DDO: variants seen among roughly 807,000 people sequenced by gnomAD.
DDO encodes D-aspartate oxidase, DDO.
A neutral mutation model predicts 16.8 loss-of-function variants in DDO; 16 were observed. The ratio of observed to expected loss-of-function variants is 0.95; its 90% CI spans 0.65 to 1.45. DDO has a LOEUF of 1.45. DDO is among the 40% of genes most tolerant of loss of function. The pLI, the probability that DDO is intolerant of heterozygous loss-of-function variation, is 0.00. For synonymous variants in DDO, 180 were observed against 167.2 expected (o/e 1.08, Z -0.59); for missense variants, 429 against 420.3 (o/e 1.02, Z -0.18).
chr6:110,404,351 A>C (rs1004784229), intron 4 of DDO, among the ~76,000 whole-genome samples: 1 of 152,256 alleles, frequency 6.6e-6, no homozygotes, highest in Non-Finnish European at 1.5e-5. Context: ...AAAATGAGAA[A>C]AAATTCAAAA....
In DDO at chr6:110,415,510, C is replaced by T. The variant is rs780255160; in HGVS notation, c.-48G>A. 1 of 1,614,234 alleles carries T rather than the reference C, an allele frequency of 6.2e-7. No individual in the cohort carries two copies. The highest frequency in any genetic ancestry group is 8.5e-7 in the Non-Finnish European group (1 of 1,180,048). On this transcript the variant is annotated 5_prime_UTR_variant, in exon 1 of 5. Coordinates refer to ENST00000368924, the MANE Select transcript of DDO (RefSeq NM_001372108.2). Reference sequence around the variant, plus strand: ...TCTTGGAAGCCACCAAAATCTCTGGCACCAAACCTTGTTTCCCAGTGCCTG... The same window carrying T: ...TCTTGGAAGCCACCAAAATCTCTGGTACCAAACCTTGTTTCCCAGTGCCTG...
chr6:110,398,994 G>A (rs368442558), intron 4 of DDO, among the ~76,000 whole-genome samples: 2 of 152,208 alleles, frequency 1.3e-5, no homozygotes, highest in Non-Finnish European at 2.9e-5. Flanking sequence ...CCCTCTGGGA[G>A]GATTGATTTA....
At chr6:110,394,790 T>C (rs979923876) in intron 4 of DDO, among the ~76,000 whole-genome samples, 1 of 152,248 alleles carries the variant, frequency 6.6e-6, no homozygotes, top group Non-Finnish European at 1.5e-5. Context: ...ATCTGCATCA[T>C]GGGGAGGATA....
intron 4 of DDO, among the ~76,000 whole-genome samples, chr6:110,401,367 G>A (rs1194032981): frequency 6.6e-6 from 1 of 151,880 alleles, no homozygotes; most frequent in Non-Finnish European, 1.5e-5. Flanking sequence ...TGTGTTAAGG[G>A]AAAGGTGGTG....
At chr6:110,400,443 G>T (rs1773448685) in intron 4 of DDO, among the ~76,000 whole-genome samples, 2 of 151,706 alleles carry the variant, frequency 1.3e-5, no homozygotes, top group Admixed American at 6.6e-5. Context: ...AGGCCAACTG[G>T]GAGACTTATG....
chr6:110,408,583 A>C (rs776271932), intron 2 of DDO, 141 bp from the exon 3 acceptor site: 87 of 676,176 alleles, frequency 1.3e-4, no homozygotes, highest in South Asian at 4.1e-4. Context: ...GAACATTAAT[A>C]TAAAGTGCCA....
At chr6:110,394,309 G>A (rs781074835) in intron 4 of DDO, among the ~76,000 whole-genome samples, 4 of 152,114 alleles carry the variant, frequency 2.6e-5, no homozygotes, top group Non-Finnish European at 2.9e-5. Flanking sequence ...GTTTTGCCAT[G>A]TTGCCCAGGC....
intron 4 of DDO, among the ~76,000 whole-genome samples, chr6:110,396,512 C>T (rs1773296620): frequency 6.6e-6 from 1 of 152,186 alleles, no homozygotes; most frequent in East Asian, 1.9e-4. Context: ...AATTCGGTTG[C>T]TTTTTATTCT....
intron 2 of DDO, among the ~76,000 whole-genome samples, chr6:110,410,464 C>T (rs891927530): frequency 6.6e-6 from 1 of 152,188 alleles, no homozygotes; most frequent in African/African-American, 2.4e-5. Context: ...TAAAGACATA[C>T]CCGAGACAGG....
Position 110,398,196 on chromosome 6 carries a change from G to T in DDO, c.459-4854C>A, listed in dbSNP as rs191320017. Among the ~76,000 whole-genome samples, 11 of 152,226 alleles carry T rather than the reference G, an allele frequency of 7.2e-5. No homozygotes were observed. In the East Asian group the frequency reaches 2.1e-3, roughly 29 times the overall value. On this transcript the variant is annotated intron_variant, in intron 4 of 4. Coordinates refer to ENST00000368924, the MANE Select transcript of DDO (RefSeq NM_001372108.2). ...TCCTCTGGTCATCACCCTAAAACAT[G>T]AGAGTGTCCATTTCCCCAAGCTTAA...
chr6:110,401,995 A>T (rs1269031300), intron 4 of DDO, among the ~76,000 whole-genome samples: 1 of 152,220 alleles, frequency 6.6e-6, no homozygotes, highest in Non-Finnish European at 1.5e-5. Flanking sequence ...ACTTCTATGC[A>T]TTCTCACCCC....
chr6:110,407,180 A>G (rs4945860), intron 3 of DDO, among the ~76,000 whole-genome samples: 33,096 of 152,148 alleles, frequency 0.22, 3,878 homozygotes, highest in South Asian at 0.33. Context: ...AATTCTGGAC[A>G]TGGCTGTTTC....
rs202241247 is a variant in DDO at position 110,413,409 on chromosome 6, C to T, written c.54G>A (p.Thr18=). The change falls in exon 2 of 5, where the codon ACG becomes ACA. Residue 18 remains threonine, a synonymous_variant. Coordinates refer to ENST00000368924, the MANE Select transcript of DDO (RefSeq NM_001372108.2). ...VVGAGVVGLS[T]AVCISKLVPR... ...GCACCAGTTTGGAGATGCACACAGC[C>T]GTGGAGAGCCCCACCACACCTGCCC... The T allele has an allele frequency of 8.8e-5, 142 of 1,613,998 alleles. 1 individual carries two copies. The highest frequency in any genetic ancestry group is 2.5e-4 in the East Asian group (11 of 44,888).
chr6:110,409,039 G>A lies in DDO; in HGVS notation c.173-597C>T, dbSNP rs1017694911. 5.9e-5 allele frequency among the ~76,000 whole-genome samples: 9 copies of A among 152,176 alleles called. No homozygotes were observed. In the East Asian group the frequency reaches 9.6e-4, roughly 16 times the overall value. Reference sequence around the variant, plus strand: ...CCTGCAGGCCAGACTTCCCAGCAGGGGCTGCCATTACCTTCCACACCATGG... The same window carrying A: ...CCTGCAGGCCAGACTTCCCAGCAGGAGCTGCCATTACCTTCCACACCATGG... On this transcript the variant is annotated intron_variant, in intron 2 of 4. Coordinates refer to ENST00000368924, the MANE Select transcript of DDO (RefSeq NM_001372108.2).
intron 2 of DDO, among the ~76,000 whole-genome samples, chr6:110,410,469 G>A (rs904760826): frequency 6.6e-6 from 1 of 152,220 alleles, no homozygotes; most frequent in African/African-American, 2.4e-5. Context: ...ACATACCCGA[G>A]ACAGGGTAAT....
intron 2 of DDO, among the ~76,000 whole-genome samples, chr6:110,411,539 C>G (rs1773858500): frequency 6.6e-6 from 1 of 151,796 alleles, no homozygotes; most frequent in Non-Finnish European, 1.5e-5. Context: ...ATTCGGAGAA[C>G]AAAAAAGAGC....
downstream of DDO, among the ~76,000 whole-genome samples, chr6:110,391,309 G>A (rs11757947): frequency 0.015 from 2,222 of 149,872 alleles, 20 homozygotes; most frequent in Non-Finnish European, 0.025. Flanking sequence ...AACAGAAGTC[G>A]TCTTCCCCAA....
intron 4 of DDO, among the ~76,000 whole-genome samples, chr6:110,403,230 C>A (rs1773539771): frequency 6.6e-6 from 1 of 151,996 alleles, no homozygotes; most frequent in African/African-American, 2.4e-5. Flanking sequence ...TATTTTATTG[C>A]CTTTTTCCAC....
Position 110,392,487 on chromosome 6 carries a change from T to A in DDO, c.*288A>T, listed in dbSNP as rs1198690285. ...TTCCTAAGTAAGCCTACATGTTGCA[T>A]CATTTCTTTTGTTGTTGGTGTTTTT... On this transcript the variant is annotated 3_prime_UTR_variant, in exon 5 of 5. Coordinates refer to ENST00000368924, the MANE Select transcript of DDO (RefSeq NM_001372108.2). The A allele has an allele frequency of 2.7e-6, 3 of 1,117,214 alleles. No homozygotes were observed. In the African/African-American group the frequency reaches 4.9e-5, roughly 18 times the overall value. The allele number at this position is 1,117,214 out of a possible 1,614,324, so 69.2% of individuals were successfully genotyped here. A position where few individuals can be genotyped will look rare whatever the true frequency, so the allele number is the denominator to read the frequency against.
Sources: allele counts gnomAD v4.1 joint callset (sites outside exome capture counted in the v4.1 genomes callset), GRCh38; gene constraint gnomAD v4.1.1; transcripts MANE v1.5; gene names NCBI Gene and HGNC (gene_info 2026-07-23, HGNC 2026-07-21).